CTPS1: variants seen among roughly 807,000 people sequenced by gnomAD.
The protein encoded by CTPS1 is CTP synthase 1.
In CTPS1, 25 loss-of-function variants were observed where a neutral mutation model predicts 80.5. That is an observed-to-expected ratio of 0.31 (90% CI 0.23 to 0.43). The LOEUF (loss-of-function observed/expected upper bound fraction) is 0.43. Ranked by LOEUF, CTPS1 falls within the 20% of genes least tolerant of loss-of-function variation. CTPS1 has a pLI of 1.00. For missense variants in CTPS1, 442 were observed against 725.7 expected, an observed-to-expected ratio of 0.61 and a Z score of 4.49; for synonymous variants, 267 against 252.5, an observed-to-expected ratio of 1.06 and a Z score of -0.54.
intron 9 of CTPS1, among the ~76,000 whole-genome samples, chr1:41,000,217 GTTT>G (rs1642869263): frequency 8.4e-5 from 1 of 11,890 alleles, no homozygotes; most frequent in African/African-American, 7.6e-4. Flanking sequence ...GGTAACTTAT[GTTT>G]TGTTTTGTTT....
chr1:41,005,567 C>T (rs901408736), intron 12 of CTPS1, among the ~76,000 whole-genome samples: 14 of 152,074 alleles, frequency 9.2e-5, no homozygotes, highest in South Asian at 6.2e-4. Context: ...TTATACTTAA[C>T]GTAAAAAAAT....
chr1:41,009,362 C>G (rs1471929415), intron 16 of CTPS1, 83 bp from the exon 17 acceptor site: 2 of 1,381,936 alleles, frequency 1.4e-6, no homozygotes, highest in Non-Finnish European at 2.0e-6. Flanking sequence ...CCTATGGAAA[C>G]AAACATTTAA....
chr1:41,009,766 G>T (rs1643124178), intron 17 of CTPS1, among the ~76,000 whole-genome samples, 177 bp downstream of exon 17: 1 of 152,182 alleles, frequency 6.6e-6, no homozygotes, highest in Non-Finnish European at 1.5e-5. Context: ...TGGCATATTG[G>T]CCAGGTCCCC....
At chr1:40,982,490 A>G (rs1558127529) in intron 1 of CTPS1, among the ~76,000 whole-genome samples, 1 of 152,114 alleles carries the variant, frequency 6.6e-6, no homozygotes, top group Non-Finnish European at 1.5e-5. Flanking sequence ...CCTGGGTTCA[A>G]GCGATTCTCC....
chr1:41,007,403 G>A lies in CTPS1; in HGVS notation c.1297-46G>A, dbSNP rs754159519. On this transcript the variant is annotated intron_variant, in intron 13 of 18. Coordinates refer to ENST00000650070, the MANE Select transcript of CTPS1 (RefSeq NM_001905.4). This position sits in a 1 kb window ranked among gnomAD's most constrained non-coding sequence, Gnocchi z 4.4. The stretch of plus-strand genomic sequence containing the variant: ...TCAGCGAGGGAGGTTTCTCTCTAGC[G>A]GAAGCAGAGTTCTGTAGTTGGTGTC... 1.5e-5 allele frequency: 23 copies of A among 1,558,480 alleles called. No homozygotes were observed. Among genetic ancestry groups the A allele is most frequent in the African/African-American group, 4.1e-5 (3 of 73,784 alleles).
At chr1:40,991,355 G>A in intron 6 of CTPS1, 107 bp downstream of exon 6, 2 of 812,830 alleles carry the variant, frequency 2.5e-6, no homozygotes, top group Admixed American at 3.0e-5. Flanking sequence ...TTTGATAATT[G>A]ATGATGGAGA....
intron 5 of CTPS1, among the ~76,000 whole-genome samples, chr1:40,990,655 T>C (rs1402831960): frequency 6.6e-6 from 1 of 151,974 alleles, no homozygotes; most frequent in African/African-American, 2.4e-5. Context: ...CAGAAAATGA[T>C]TTCCATCCTA....
At chr1:41,010,112 A>C (rs752164392) in intron 17 of CTPS1, 49 bp from the exon 18 acceptor site, 2 of 1,377,468 alleles carry the variant, frequency 1.5e-6, no homozygotes, top group African/African-American at 2.9e-5. Flanking sequence ...CAGGGACGTA[A>C]AGTGAGTTTT....
intron 4 of CTPS1, 49 bp downstream of exon 4, chr1:40,987,521 C>A: frequency 7.5e-7 from 1 of 1,331,972 alleles, no homozygotes; most frequent in Non-Finnish European, 1.1e-6. Context: ...TCTCCTTAGT[C>A]AGCCATCAAT....
Position 41,007,380 on chromosome 1 carries a change from A to G in CTPS1, c.1297-69A>G. 2 of 1,341,410 alleles carry G rather than the reference A, an allele frequency of 1.5e-6. No individual in the cohort carries two copies. The highest frequency in any genetic ancestry group is 3.5e-5 in the Admixed American group (2 of 57,970). 83.1% of individuals were successfully genotyped at this position (1,341,410 alleles called of 1,614,324 possible). A position where few individuals can be genotyped will look rare whatever the true frequency, so the allele number is the denominator to read the frequency against. On this transcript the variant is annotated intron_variant, in intron 13 of 18. Coordinates refer to ENST00000650070, the MANE Select transcript of CTPS1 (RefSeq NM_001905.4). The surrounding 1 kb of genome is among the most constrained non-coding windows in gnomAD (Gnocchi z 4.4). ...ACTTACAAGCCTTTGCCACCCACTCAGCGAGGGAGGTTTCTCTCTAGCGGA... is the reference window on the plus strand; with the variant it reads ...ACTTACAAGCCTTTGCCACCCACTCGGCGAGGGAGGTTTCTCTCTAGCGGA...
chr1:40,986,678 C>T (rs1012672280), intron 3 of CTPS1, among the ~76,000 whole-genome samples: 1 of 152,180 alleles, frequency 6.6e-6, no homozygotes, highest in Non-Finnish European at 1.5e-5. Flanking sequence ...GCCATCTGTG[C>T]CCAACAACTA....
Position 40,988,577 on chromosome 1 carries a change from C to T in CTPS1, c.439-17C>T. The T allele has an allele frequency of 6.3e-7, 1 of 1,589,418 alleles. No homozygotes were observed. ...AGGGTTTAGTGCCTAACCTCTGAAA[C>T]AACTTTGTTCTTCTAGCTTGGTGGA... is the stretch of plus-strand genomic sequence containing the variant. On this transcript the variant is annotated splice_polypyrimidine_tract_variant and intron_variant, in intron 4 of 18. Transcript: ENST00000650070.
chr1:41,003,054 G>T (rs1242318684), intron 11 of CTPS1, 60 bp from the exon 12 acceptor site: 3 of 1,561,752 alleles, frequency 1.9e-6, no homozygotes, highest in Admixed American at 3.3e-5. Context: ...GAGGCTGCTG[G>T]GAAAAGTAGG....
intron 3 of CTPS1, among the ~76,000 whole-genome samples, chr1:40,986,858 TCATGAGA>T (rs567726571): frequency 8.3e-4 from 126 of 152,046 alleles, no homozygotes; most frequent in African/African-American, 3.0e-3. Flanking sequence ...AGCTAACGAG[TCATGAGA>T]CTAAGGTTTG....
rs1185768755 is a variant in CTPS1, at chr1:40,983,278, G to A, written c.-13G>A. ...CATCTGTAATTTTTCCTTCTTCCAG[G>A]TCAAAGAGTAAAATGAAGTACATTC... On this transcript the variant is annotated splice_region_variant and 5_prime_UTR_variant, in exon 2 of 19. Transcript: ENST00000650070. 4 of 1,609,622 alleles carry A rather than the reference G, an allele frequency of 2.5e-6. No individual in the cohort carries two copies. In the African/African-American group the frequency reaches 5.4e-5, roughly 22 times the overall value.
At chr1:40,984,694 G>C (rs1187811128) in intron 2 of CTPS1, 127 bp from the exon 3 acceptor site, 6 of 683,530 alleles carry the variant, frequency 8.8e-6, no homozygotes, top group Non-Finnish European at 1.3e-5. Flanking sequence ...TCTTCTAGAA[G>C]TGAATTTCTG....
intron 18 of CTPS1, among the ~76,000 whole-genome samples, chr1:41,011,167 C>T (rs1302037616): frequency 1.3e-5 from 2 of 152,182 alleles, no homozygotes; most frequent in African/African-American, 2.4e-5. Flanking sequence ...CCTGTCCTGG[C>T]ATAGCCTAAG....
At chr1:40,982,689 C>T (rs1198460537) in intron 1 of CTPS1, among the ~76,000 whole-genome samples, 1 of 152,240 alleles carries the variant, frequency 6.6e-6, no homozygotes, top group Non-Finnish European at 1.5e-5. Context: ...CATGCCCAGC[C>T]AGAGAACTAC....
intron 7 of CTPS1, among the ~76,000 whole-genome samples, chr1:40,992,322 C>T (rs1642631721): frequency 6.6e-6 from 1 of 152,142 alleles, no homozygotes; most frequent in African/African-American, 2.4e-5. Context: ...CGCATGTATG[C>T]TGCTGATGGG....
Sources: gnomAD v4.1 joint callset for allele counts (sites outside exome capture counted in the v4.1 genomes callset) on GRCh38, gnomAD v4.1.1 for gene constraint, Gnocchi (gnomAD v3.1) non-coding constraint, MANE v1.5 for transcripts, NCBI Gene and HGNC (gene_info 2026-07-23, HGNC 2026-07-21) for gene names.